The following KCND2 variants were observed in gnomAD, a reference collection of about 807,000 sequenced individuals.
KCND2 encodes potassium voltage-gated channel subfamily D member 2.
In KCND2, 16 loss-of-function variants were observed where a neutral mutation model predicts 54.4. The observed-to-expected ratio is 0.29, with a 90% CI of 0.20 to 0.45. The LOEUF (loss-of-function observed/expected upper bound fraction) is 0.45, where lower values mean the gene tolerates loss of function less well. KCND2 is among the 20% of genes least tolerant of loss of function. KCND2 has a pLI of 1.00. For missense variants in KCND2, 486 were observed against 824.2 expected (o/e 0.59, Z 5.02); for synonymous variants, 317 against 310.7 (o/e 1.02, Z -0.21).
intron 1 of KCND2, among the ~76,000 whole-genome samples, chr7:120,307,771 G>A (rs1465494346): frequency 2.6e-5 from 4 of 152,096 alleles, no homozygotes; most frequent in Admixed American, 6.6e-5. Flanking sequence ...AGCTTTAATA[G>A]TTGCTGCACA....
chr7:120,708,159 A>G (rs1190360776), intron 1 of KCND2, among the ~76,000 whole-genome samples: 1 of 152,180 alleles, frequency 6.6e-6, no homozygotes, highest in Non-Finnish European at 1.5e-5. Context: ...TGTTAAAATC[A>G]GTGACAAGTA....
intron 1 of KCND2, among the ~76,000 whole-genome samples, chr7:120,367,476 A>T (rs890873496): frequency 3.3e-5 from 5 of 151,954 alleles, no homozygotes; most frequent in Admixed American, 2.6e-4. Flanking sequence ...ACAATATCTC[A>T]TCACTAGAAC....
At chr7:120,304,520 A>G (rs1799623956) in intron 1 of KCND2, among the ~76,000 whole-genome samples, 1 of 152,186 alleles carries the variant, frequency 6.6e-6, no homozygotes, top group African/African-American at 2.4e-5. Flanking sequence ...GCTTACTAAC[A>G]TGCCCCACAC....
chr7:120,333,923 T>C (rs1212868937), intron 1 of KCND2, among the ~76,000 whole-genome samples: 1 of 152,186 alleles, frequency 6.6e-6, no homozygotes, highest in African/African-American at 2.4e-5. Context: ...ACTACATTTT[T>C]TAAAAATATA....
At chr7:120,564,586 G>A (rs923660186) in intron 1 of KCND2, among the ~76,000 whole-genome samples, 4 of 152,046 alleles carry the variant, frequency 2.6e-5, no homozygotes, top group African/African-American at 9.7e-5. Context: ...ACATAGAATT[G>A]CTTGTGGGTT....
At chr7:120,746,868 C>T (rs1793013848) in intron 5 of KCND2, 1 of 152,022 alleles carries the variant, frequency 6.6e-6, no homozygotes, top group African/African-American at 2.4e-5. Context: ...ATTCTGAATT[C>T]AGGTGATGTT....
chr7:120,534,437 A>G (rs1000496062), intron 1 of KCND2, among the ~76,000 whole-genome samples: 1 of 152,146 alleles, frequency 6.6e-6, no homozygotes, highest in African/African-American at 2.4e-5. Context: ...CCAAATGAGT[A>G]TTCCTCAAGG....
chr7:120,651,281 G>A (rs1301997785), intron 1 of KCND2, among the ~76,000 whole-genome samples: 1 of 145,414 alleles, frequency 6.9e-6, no homozygotes, highest in African/African-American at 2.7e-5. Context: ...AAGCTTCCCG[G>A]CCACTTTGTT....
chr7:120,557,890 C>T (rs1023264438), intron 1 of KCND2, among the ~76,000 whole-genome samples: 2 of 152,040 alleles, frequency 1.3e-5, no homozygotes, highest in Non-Finnish European at 2.9e-5. Context: ...AAGTAATGAG[C>T]AACTGAAAAA....
intron 1 of KCND2, among the ~76,000 whole-genome samples, chr7:120,546,786 C>A (rs1010112818): frequency 6.6e-6 from 1 of 151,894 alleles, no homozygotes; most frequent in Non-Finnish European, 1.5e-5. Context: ...ATGTAAAACA[C>A]AATATAGATT....
chr7:120,427,277 T>C (rs1801721636), intron 1 of KCND2, among the ~76,000 whole-genome samples: 2 of 152,172 alleles, frequency 1.3e-5, no homozygotes, highest in Admixed American at 1.3e-4. Context: ...AGTTTATATC[T>C]CTCACCCTTT....
chr7:120,741,189 C>G (rs1028931875), intron 2 of KCND2, among the ~76,000 whole-genome samples: 2 of 151,946 alleles, frequency 1.3e-5, no homozygotes, highest in Non-Finnish European at 2.9e-5. Context: ...CATTAAGTTA[C>G]TCAGATCGGG....
At chr7:120,479,315 C>T (rs73435884) in intron 1 of KCND2, among the ~76,000 whole-genome samples, 8,013 of 151,988 alleles carry the variant, frequency 0.053, 733 homozygotes, top group African/African-American at 0.18. Context: ...GGAACATACT[C>T]TTAGAGTTTA....
chr7:120,638,663 A>G (rs2116526341), intron 1 of KCND2, among the ~76,000 whole-genome samples: 1 of 152,266 alleles, frequency 6.6e-6, no homozygotes, highest in South Asian at 2.1e-4. Flanking sequence ...TTTGAGAATA[A>G]TAAGTCCCAT....
At chr7:120,449,899 C>T (rs970634544) in intron 1 of KCND2, among the ~76,000 whole-genome samples, 6 of 152,140 alleles carry the variant, frequency 3.9e-5, no homozygotes, top group South Asian at 2.1e-4. Flanking sequence ...TGTATCACTG[C>T]GATCACTCTT....
chr7:120,706,175 T>C (rs1230242545), intron 1 of KCND2, among the ~76,000 whole-genome samples: 1 of 152,176 alleles, frequency 6.6e-6, no homozygotes, highest in Non-Finnish European at 1.5e-5. Context: ...ACTAATTTTC[T>C]GACAATAAGG....
At chr7:120,514,987 A>G (rs1803174965) in intron 1 of KCND2, among the ~76,000 whole-genome samples, 1 of 152,056 alleles carries the variant, frequency 6.6e-6, no homozygotes, top group Admixed American at 6.6e-5. Context: ...ATTCCTACTT[A>G]AAATGCATTC....
At chr7:120,702,265 G>T (rs567266636) in intron 1 of KCND2, among the ~76,000 whole-genome samples, 81 of 152,238 alleles carry the variant, frequency 5.3e-4, no homozygotes, top group African/African-American at 1.9e-3. Flanking sequence ...ATTCCGTATG[G>T]CTATTACTAA....
chr7:120,494,159 T>C (rs1051238180), intron 1 of KCND2, among the ~76,000 whole-genome samples: 4 of 152,148 alleles, frequency 2.6e-5, no homozygotes, highest in Non-Finnish European at 5.9e-5. Context: ...AAGCTTAGCA[T>C]AGCTGTTTCT....
Sources: gnomAD v4.1 joint callset for allele counts (sites outside exome capture counted in the v4.1 genomes callset) on GRCh38, gnomAD v4.1.1 for gene constraint, MANE v1.5 for transcripts, NCBI Gene and HGNC (gene_info 2026-07-23, HGNC 2026-07-21) for gene names.